VRK2: variants seen among roughly 807,000 people sequenced by gnomAD.
VRK2 encodes serine/threonine-protein kinase VRK2.
In VRK2, 60 loss-of-function variants were observed where a neutral mutation model predicts 57.6. That is an observed-to-expected ratio of 1.04 (90% CI 0.85 to 1.29). The LOEUF is 1.29. Ranked by LOEUF, VRK2 falls within the 50% of genes most tolerant of loss-of-function variation. The probability of loss-of-function intolerance (pLI) is 0.00; values close to 1 mark genes in which losing one functional copy is unlikely to be tolerated. For missense variants in VRK2, 705 were observed against 588.1 expected (o/e 1.20, Z -2.06); for synonymous variants, 231 against 199.2 (o/e 1.16, Z -1.35).
At chr2:58,031,001 C>A (rs1021762465) in intron 2 of VRK2, among the ~76,000 whole-genome samples, 1 of 152,010 alleles carries the variant, frequency 6.6e-6, no homozygotes, top group African/African-American at 2.4e-5. Context: ...TTAGATGATT[C>A]CAGCTCCTAG....
At chr2:58,044,220 C>G (rs1433726108), upstream of VRK2, among the ~76,000 whole-genome samples, 1 of 152,034 alleles carries the variant, frequency 6.6e-6, no homozygotes, top group Admixed American at 6.6e-5. Context: ...GTACTTTTTC[C>G]CATCTTTGTG....
intron 1 of VRK2, among the ~76,000 whole-genome samples, chr2:57,998,606 G>C (rs1672995686): frequency 6.6e-6 from 1 of 152,092 alleles, no homozygotes; most frequent in Admixed American, 6.6e-5. Context: ...CAAAATTAAA[G>C]ATTATATTGA....
intron 12 of VRK2, among the ~76,000 whole-genome samples, chr2:58,156,144 C>T (rs1573450302): frequency 1.3e-5 from 2 of 152,088 alleles, no homozygotes; most frequent in East Asian, 3.9e-4. Context: ...CTGGATGCCC[C>T]TCACTTTGAT....
chr2:58,113,654 G>A (rs1029290634), intron 7 of VRK2, among the ~76,000 whole-genome samples: 2 of 152,134 alleles, frequency 1.3e-5, no homozygotes, highest in African/African-American at 4.8e-5. Flanking sequence ...CTCAGTGGGG[G>A]AGCTTCTGAG....
intron 2 of VRK2, among the ~76,000 whole-genome samples, chr2:58,061,706 T>C (rs916378302): frequency 1.3e-5 from 2 of 152,028 alleles, no homozygotes; most frequent in African/African-American, 4.8e-5. Context: ...AATGTAATGA[T>C]AGAATATAAT....
chr2:58,094,595 A>C (rs979283974), intron 7 of VRK2, among the ~76,000 whole-genome samples: 1 of 152,208 alleles, frequency 6.6e-6, no homozygotes, highest in Non-Finnish European at 1.5e-5. Flanking sequence ...TAATCATGTC[A>C]TCTGCAAACA....
At chr2:58,088,239 T>G in intron 5 of VRK2, 102 bp from the exon 6 acceptor site, 1 of 779,626 alleles carries the variant, frequency 1.3e-6, no homozygotes, top group Non-Finnish European at 2.2e-6. Context: ...GCATTATACT[T>G]AGTTGTTAGG....
chr2:58,124,369 CAAA>C (rs1453070764), intron 8 of VRK2, among the ~76,000 whole-genome samples: 4 of 152,082 alleles, frequency 2.6e-5, no homozygotes. Context: ...GTCAGCAACA[CAAA>C]AAGTCAATTC....
At chr2:58,043,254 T>C (rs1572821498), upstream of VRK2, among the ~76,000 whole-genome samples, 1 of 152,282 alleles carries the variant, frequency 6.6e-6, no homozygotes, top group East Asian at 1.9e-4. Context: ...GTTGAATTAG[T>C]AGTTCAATAA....
intron 1 of VRK2, among the ~76,000 whole-genome samples, chr2:57,939,928 C>T (rs1671038824): frequency 6.6e-6 from 1 of 152,140 alleles, no homozygotes; most frequent in Non-Finnish European, 1.5e-5. Flanking sequence ...AGTAAAGATG[C>T]CCATTGCATC....
intron 2 of VRK2, among the ~76,000 whole-genome samples, chr2:58,064,359 C>T (rs1420048242): frequency 6.6e-6 from 1 of 152,064 alleles, no homozygotes; most frequent in African/African-American, 2.4e-5. Context: ...ACAGTCACCG[C>T]AGTCTTCAGC....
At chr2:57,926,637 A>G (rs1670547066) in intron 1 of VRK2, among the ~76,000 whole-genome samples, 1 of 151,602 alleles carries the variant, frequency 6.6e-6, no homozygotes, top group Non-Finnish European at 1.5e-5. Context: ...TTGTCTTGAA[A>G]TCTATTTTGT....
chr2:58,107,260 T>C (rs537221785), intron 7 of VRK2, among the ~76,000 whole-genome samples: 1 of 152,244 alleles, frequency 6.6e-6, no homozygotes, highest in Admixed American at 6.5e-5. Flanking sequence ...ATATATATAC[T>C]CTTCCCAGTG....
chr2:58,045,892 G>A (rs965950079), upstream of VRK2, among the ~76,000 whole-genome samples: 1 of 152,098 alleles, frequency 6.6e-6, no homozygotes, highest in Non-Finnish European at 1.5e-5. Flanking sequence ...TGCCCAGGCT[G>A]GGGTGCAGTG....
chr2:58,117,717 T>C (rs1433901076), intron 7 of VRK2, among the ~76,000 whole-genome samples: 2 of 152,164 alleles, frequency 1.3e-5, no homozygotes, highest in Admixed American at 6.5e-5. Context: ...TTCCGGTGTT[T>C]GGAACTACTG....
chr2:58,049,996 A>C (rs1675466545), intron 2 of VRK2, among the ~76,000 whole-genome samples: 1 of 152,228 alleles, frequency 6.6e-6, no homozygotes, highest in Admixed American at 6.5e-5. Flanking sequence ...TGAGTCAAGT[A>C]AAGGACCCAT....
chr2:57,985,032 A>G lies in VRK2; in HGVS notation c.-438-40633A>G, dbSNP rs77588408. ...TTAAGTCATTACGCAAATTTGTTATATTATTCTCTGATTTTCTGATCATTT... is the reference window on the plus strand; with the variant it reads ...TTAAGTCATTACGCAAATTTGTTATGTTATTCTCTGATTTTCTGATCATTT... On this transcript the variant is annotated intron_variant, in intron 1 of 15. Coordinates refer to the VRK2 transcript ENST00000417641. Among the ~76,000 whole-genome samples the G allele has an allele frequency of 2.0e-4, 30 of 152,156 alleles. No individual in the cohort carries two copies. The South Asian group carries it at 4.1e-3, about 21-fold the overall frequency.
intron 2 of VRK2, among the ~76,000 whole-genome samples, chr2:58,054,548 G>GT (rs1297104763): frequency 1.3e-5 from 2 of 151,828 alleles, no homozygotes; most frequent in Non-Finnish European, 2.9e-5. Flanking sequence ...AGTGTTTTAG[G>GT]TTTTTTTCTT....
At chr2:57,928,146 A>G (rs1670602101) in intron 1 of VRK2, among the ~76,000 whole-genome samples, 1 of 152,090 alleles carries the variant, frequency 6.6e-6, no homozygotes, top group Non-Finnish European at 1.5e-5. Context: ...CTTCTCTTTA[A>G]GGCTAATAAT....
Sources: allele counts gnomAD v4.1 joint callset (sites outside exome capture counted in the v4.1 genomes callset), GRCh38; gene constraint gnomAD v4.1.1; transcripts MANE v1.5; gene names NCBI Gene and HGNC (gene_info 2026-07-23, HGNC 2026-07-21).